CCDC148: variants seen among roughly 807,000 people sequenced by gnomAD.
CCDC148 encodes coiled-coil domain containing 148.
In CCDC148, 89 loss-of-function variants were observed where a neutral mutation model predicts 85.7. The observed-to-expected ratio is 1.04, with a 90% CI of 0.87 to 1.24. The LOEUF (loss-of-function observed/expected upper bound fraction) is 1.24. CCDC148 is among the 50% of genes most tolerant of loss of function. CCDC148 has a pLI of 0.00. For missense variants in CCDC148, 692 were observed against 671.7 expected, an observed-to-expected ratio of 1.03 and a Z score of -0.33; for synonymous variants, 230 against 213.9, an observed-to-expected ratio of 1.08 and a Z score of -0.66.
At chr2:158,342,693 C>A (rs1682774749) in intron 3 of CCDC148, among the ~76,000 whole-genome samples, 1 of 152,132 alleles carries the variant, frequency 6.6e-6, no homozygotes, top group South Asian at 2.1e-4. Flanking sequence ...CCAAGGTAGA[C>A]ACCTGAAGGC....
At chr2:158,347,539 T>C (rs1683054288) in intron 2 of CCDC148, among the ~76,000 whole-genome samples, 1 of 152,128 alleles carries the variant, frequency 6.6e-6, no homozygotes, top group South Asian at 2.1e-4. Context: ...TTCATTTTAC[T>C]GGGCAATACA....
At position 158,415,540 on chromosome 2, in the gene CCDC148, T is replaced by A. The variant is rs151324839; in HGVS notation, c.25+40875A>T. 4.3e-3 allele frequency among the ~76,000 whole-genome samples: 653 copies of A among 152,278 alleles called. 2 individuals are homozygous for A. The highest frequency in any genetic ancestry group is 9.4e-3 in the Admixed American group (144 of 15,310). On this transcript the variant is annotated intron_variant, in intron 1 of 13. Transcript: ENST00000283233. ...CATCCCTTCTCAACAGTCCCCCAAG[T>A]CTTAACTCATTTCCGCATTAACTCA...
At chr2:158,305,668 C>A (rs1296474929) in intron 9 of CCDC148, among the ~76,000 whole-genome samples, 2 of 149,240 alleles carry the variant, frequency 1.3e-5, no homozygotes, top group African/African-American at 5.0e-5. Flanking sequence ...GCAGGAAGAT[C>A]ACTTGAGCCT....
intron 3 of CCDC148, among the ~76,000 whole-genome samples, chr2:158,341,764 G>A (rs1483035441): frequency 6.6e-6 from 1 of 151,478 alleles, no homozygotes; most frequent in Non-Finnish European, 1.5e-5. Context: ...GTATTAAAAT[G>A]GTATAATATA....
intron 9 of CCDC148, among the ~76,000 whole-genome samples, chr2:158,286,338 G>A (rs543121290): frequency 6.6e-6 from 1 of 152,166 alleles, no homozygotes; most frequent in South Asian, 2.1e-4. Context: ...ATGAAAAAAA[G>A]ACAAAACAAC....
chr2:158,232,085 TAA>T (rs891771282), intron 10 of CCDC148, among the ~76,000 whole-genome samples: 17 of 152,260 alleles, frequency 1.1e-4, no homozygotes, highest in African/African-American at 3.8e-4. Context: ...CAGCATATGA[TAA>T]GAGTTGAATT....
At chr2:158,352,392 G>C (rs2105258598) in intron 2 of CCDC148, among the ~76,000 whole-genome samples, 1 of 152,344 alleles carries the variant, frequency 6.6e-6, no homozygotes, top group African/African-American at 2.4e-5. Flanking sequence ...GGAGGTGATG[G>C]AGCTGAAAAC....
rs114881395 is a variant in CCDC148 at position 158,198,086 on chromosome 2, A to C, written c.1371-19090T>G. Reference sequence around the variant, plus strand: ...CTACTCCAAACACTTCAACTATAGTAAATTACTAAATTACTTTCAGTTCCT... The same window carrying C: ...CTACTCCAAACACTTCAACTATAGTCAATTACTAAATTACTTTCAGTTCCT... On this transcript the variant is annotated intron_variant, in intron 11 of 13. Transcript: ENST00000283233. 2.6e-3 allele frequency among the ~76,000 whole-genome samples: 398 copies of C among 152,272 alleles called. 1 individual carries two copies. The highest frequency in any genetic ancestry group is 9.0e-3 in the African/African-American group (373 of 41,556).
chr2:158,430,635 A>G (rs553952731), intron 1 of CCDC148, among the ~76,000 whole-genome samples: 14 of 152,348 alleles, frequency 9.2e-5, no homozygotes, highest in African/African-American at 2.9e-4. Flanking sequence ...TGTTCATAAC[A>G]TAAAGATAAA....
chr2:158,293,135 C>T (rs1448105648), intron 9 of CCDC148, among the ~76,000 whole-genome samples: 1 of 151,728 alleles, frequency 6.6e-6, no homozygotes, highest in African/African-American at 2.4e-5. Flanking sequence ...ACATGTTTAG[C>T]GTCCAGAAAT....
At chr2:158,418,534 GC>G (rs1686613968) in intron 1 of CCDC148, among the ~76,000 whole-genome samples, 1 of 152,010 alleles carries the variant, frequency 6.6e-6, no homozygotes, top group Non-Finnish European at 1.5e-5. Context: ...CAAGTCTGTT[GC>G]ATTTGTTTGG....
At chr2:158,303,321 T>C (rs912131072) in intron 9 of CCDC148, among the ~76,000 whole-genome samples, 1 of 152,212 alleles carries the variant, frequency 6.6e-6, no homozygotes, top group African/African-American at 2.4e-5. Flanking sequence ...ATATCTTCTA[T>C]TATTTTGTAG....
intron 1 of CCDC148, among the ~76,000 whole-genome samples, chr2:158,375,475 G>T (rs973249998): frequency 6.6e-6 from 1 of 152,060 alleles, no homozygotes; most frequent in Non-Finnish European, 1.5e-5. Flanking sequence ...CACAAGCAAG[G>T]TTATAGAGTT....
Position 158,288,346 on chromosome 2 carries a change from C to T in CCDC148, c.1110+21087G>A, listed in dbSNP as rs374167569. 8.5e-5 allele frequency among the ~76,000 whole-genome samples: 13 copies of T among 152,314 alleles called. 2 individuals are homozygous for T. The highest frequency in any genetic ancestry group is 6.5e-4 in the Admixed American group (10 of 15,302). ...AAAAATGGGATTTTCTTTTCTATTGCATTGTCAGGCTGAAAATTTTCTGAA... is the reference window on the plus strand; with the variant it reads ...AAAAATGGGATTTTCTTTTCTATTGTATTGTCAGGCTGAAAATTTTCTGAA... On this transcript the variant is annotated intron_variant, in intron 9 of 13. Transcript: ENST00000283233.
chr2:158,282,187 A>T (rs1392234359), intron 9 of CCDC148, among the ~76,000 whole-genome samples: 1 of 151,970 alleles, frequency 6.6e-6, no homozygotes, highest in Non-Finnish European at 1.5e-5. Context: ...AATGGGCAAA[A>T]ACTGGAAGCA....
intron 10 of CCDC148, among the ~76,000 whole-genome samples, chr2:158,241,402 C>A (rs996200082): frequency 1.3e-5 from 2 of 152,084 alleles, no homozygotes; most frequent in African/African-American, 4.8e-5. Flanking sequence ...TTAATAAGAG[C>A]TCCCATTGAC....
intron 11 of CCDC148, among the ~76,000 whole-genome samples, chr2:158,217,372 G>GTATATATATATATATA (rs1279069325): frequency 4.1e-5 from 3 of 72,306 alleles, no homozygotes; most frequent in African/African-American, 1.2e-4. Context: ...TTGTGTGTGT[G>GTATATATATATATATA]TGTATATATA....
intron 11 of CCDC148, among the ~76,000 whole-genome samples, chr2:158,210,572 C>T (rs1270965911): frequency 6.6e-6 from 1 of 152,014 alleles, no homozygotes; most frequent in African/African-American, 2.4e-5. Flanking sequence ...GTAAAACACT[C>T]CTCAGCAAAT....
At chr2:158,406,389 TAG>T (rs1356644481) in intron 1 of CCDC148, among the ~76,000 whole-genome samples, 1 of 152,040 alleles carries the variant, frequency 6.6e-6, no homozygotes, top group African/African-American at 2.4e-5. Context: ...CCACAGGTCC[TAG>T]TGGGGGGCTG....
Sources: gnomAD v4.1 joint callset for allele counts (sites outside exome capture counted in the v4.1 genomes callset) on GRCh38, gnomAD v4.1.1 for gene constraint, MANE v1.5 for transcripts, NCBI Gene and HGNC (gene_info 2026-07-23, HGNC 2026-07-21) for gene names.